The following LSM2 variants were observed in gnomAD, a reference collection of about 807,000 sequenced individuals.
The protein encoded by LSM2 is U6 snRNA-associated Sm-like protein LSm2.
A neutral mutation model predicts 17.0 loss-of-function variants in LSM2; 12 were observed. That is an observed-to-expected ratio of 0.70 (90% CI 0.45 to 1.14). LSM2 has a LOEUF of 1.14. Among genes scored for constraint, LSM2 ranks in the 50% most tolerant of loss-of-function variants. The pLI is 0.00. For synonymous variants in LSM2, 42 were observed against 44.5 expected (o/e 0.94, Z 0.22); for missense variants, 62 against 111.8 (o/e 0.55, Z 2.01).
chr6:31,798,479 G>A lies in LSM2; in HGVS notation c.100C>T (p.Gln34Ter). The A allele has an allele frequency of 1.2e-6, 2 of 1,612,930 alleles. No homozygotes were observed. The highest frequency in any genetic ancestry group is 8.5e-7 in the Non-Finnish European group (1 of 1,179,996). ...CTGGGGCCCGTGCTATATCTCACCT[G>A]ATCCACAGAATGGAGGGTTCCACAG... Reference protein sequence around the residue: ...SICGTLHSVDQYLNIKLTDIS... With the variant: ...SICGTLHSVD The change falls in exon 3 of 5, where the codon CAG (glutamine) becomes TAG (stop). Residue 34 changes from glutamine (Q) to a stop codon, truncating the protein, a stop_gained and splice_region_variant. Coordinates refer to ENST00000375661, the MANE Select transcript of LSM2 (RefSeq NM_021177.5). LOFTEE classifies it high-confidence loss of function.
intron 3 of LSM2, 116 bp downstream of exon 3, chr6:31,798,361 C>G: frequency 2.4e-6 from 3 of 1,273,216 alleles, no homozygotes; most frequent in South Asian, 1.3e-5. Context: ...CGTGAGCCAC[C>G]GTGCCTGGCC....
intron 2 of LSM2, among the ~76,000 whole-genome samples, chr6:31,798,935 C>A (rs1814546911): frequency 6.6e-6 from 1 of 151,860 alleles, no homozygotes; most frequent in South Asian, 2.1e-4. Flanking sequence ...GGGGTTTCAC[C>A]ATGTTGGCCA....
At chr6:31,801,282 C>T (rs1447991029) in intron 2 of LSM2, among the ~76,000 whole-genome samples, 4 of 151,792 alleles carry the variant, frequency 2.6e-5, no homozygotes, top group Non-Finnish European at 5.9e-5. Flanking sequence ...TGAGTCTCTG[C>T]CTAATAACAA....
At chr6:31,804,768 T>TC (rs1814911891) in intron 2 of LSM2, among the ~76,000 whole-genome samples, 4 of 123,272 alleles carry the variant, frequency 3.2e-5, no homozygotes, top group Non-Finnish European at 5.0e-5. Context: ...TTTTTCTTTT[T>TC]TTTTTTTTTT....
At chr6:31,805,261 T>C (rs1169128747) in intron 2 of LSM2, among the ~76,000 whole-genome samples, 1 of 151,164 alleles carries the variant, frequency 6.6e-6, no homozygotes, top group Non-Finnish European at 1.5e-5. Context: ...CTCATCACTA[T>C]GTTGCCCAGA....
chr6:31,806,105 T>C lies in LSM2; in HGVS notation c.41A>G (p.Asp14Gly). ...YSFFKSLVGK[D>G]VVVELKNDLS... is the part of the protein sequence containing the mutation. The stretch of plus-strand genomic sequence containing the variant: ...GTCATTCTTTAGTTCCACGACCACA[T>C]CCTTGCCCACAAGGGACTTGAAAAA... The change falls in exon 2 of 5, where the codon GAT becomes GGT. Residue 14 changes from aspartate to glycine, a missense_variant. Transcript: ENST00000375661. 6.2e-7 allele frequency: 1 copy of C among 1,612,862 alleles called. No individual in the cohort carries two copies. The highest frequency in any genetic ancestry group is 8.5e-7 in the Non-Finnish European group (1 of 1,179,920).
At chr6:31,806,209 A>G in intron 1 of LSM2, 67 bp from the exon 2 acceptor site, 1 of 1,449,082 alleles carries the variant, frequency 6.9e-7, no homozygotes, top group Middle Eastern at 1.8e-4. Flanking sequence ...GTCCTTTGAC[A>G]GTATTACCAA....
At position 31,797,686 on chromosome 6, in the gene LSM2, AG is replaced by A; in HGVS notation, c.*70del. 6.9e-6 allele frequency: 11 copies of A among 1,605,510 alleles called. No individual in the cohort carries two copies. The highest frequency in any genetic ancestry group is 9.4e-6 in the Non-Finnish European group (11 of 1,176,092). On this transcript the variant is annotated 3_prime_UTR_variant, in exon 5 of 5. Coordinates refer to ENST00000375661, the MANE Select transcript of LSM2 (RefSeq NM_021177.5). ...AAAACCCCTTCAAGTATTGGGGGTT[AG>A]GGGTTCTGGGCTGGGACTTGGGGTT...
At chr6:31,801,143 C>T (rs980286067) in intron 2 of LSM2, among the ~76,000 whole-genome samples, 2 of 145,924 alleles carry the variant, frequency 1.4e-5, no homozygotes, top group African/African-American at 5.1e-5. Context: ...TGCATTCCAG[C>T]CTCGGTGACA....
At chr6:31,799,450 A>G (rs1814571775) in intron 2 of LSM2, among the ~76,000 whole-genome samples, 1 of 152,024 alleles carries the variant, frequency 6.6e-6, no homozygotes, top group South Asian at 2.1e-4. Context: ...TCCATCTCCC[A>G]GGTTCACGCC....
chr6:31,804,495 A>G (rs1188254466), intron 2 of LSM2, among the ~76,000 whole-genome samples: 1 of 152,190 alleles, frequency 6.6e-6, no homozygotes, highest in African/African-American at 2.4e-5. Flanking sequence ...GCAATAGTAT[A>G]TATTACTTAG....
At chr6:31,806,696 C>T in intron 1 of LSM2, 59 bp downstream of exon 1, 1 of 1,597,246 alleles carries the variant, frequency 6.3e-7, no homozygotes, top group Non-Finnish European at 8.5e-7. Context: ...AGGCCAGATC[C>T]CCCGCCCCAA....
At chr6:31,800,995 A>T (rs1007163481) in intron 2 of LSM2, among the ~76,000 whole-genome samples, 4 of 151,454 alleles carry the variant, frequency 2.6e-5, no homozygotes, top group East Asian at 3.9e-4. Context: ...GAAAAAAAAA[A>T]TTTAAAAATA....
At chr6:31,803,057 T>C (rs78826271) in intron 2 of LSM2, among the ~76,000 whole-genome samples, 15 of 152,204 alleles carry the variant, frequency 9.9e-5, no homozygotes, top group African/African-American at 3.4e-4. Context: ...CTAAGACTGA[T>C]AGTGATTACC....
chr6:31,798,259 T>C (rs1581673174), intron 3 of LSM2, among the ~76,000 whole-genome samples: 1 of 152,082 alleles, frequency 6.6e-6, no homozygotes, highest in Non-Finnish European at 1.5e-5. Context: ...TTTTTTGTAT[T>C]TTTAGTAGAG....
intron 2 of LSM2, among the ~76,000 whole-genome samples, chr6:31,799,165 G>T (rs1012471015): frequency 1.4e-4 from 21 of 152,128 alleles, no homozygotes; most frequent in Admixed American, 1.2e-3. Flanking sequence ...CAGAGAGGTT[G>T]TTTTAAACTT....
chr6:31,805,380 T>TC (rs1814969794), intron 2 of LSM2, among the ~76,000 whole-genome samples: 1 of 151,028 alleles, frequency 6.6e-6, no homozygotes, highest in Non-Finnish European at 1.5e-5. Context: ...TTTTTTTTTT[T>TC]TTTGAGACAG....
chr6:31,806,929 G>C lies in LSM2; in HGVS notation c.-172C>G, dbSNP rs544473819. The C allele has an allele frequency of 7.1e-6, 6 of 849,782 alleles. No homozygotes were observed. Among genetic ancestry groups the C allele is most frequent in the East Asian group, 2.9e-5 (1 of 34,178 alleles). 52.6% of individuals were successfully genotyped at this position (849,782 alleles called of 1,614,324 possible). On this transcript the variant is annotated 5_prime_UTR_variant, in exon 1 of 5. Coordinates refer to ENST00000375661, the MANE Select transcript of LSM2 (RefSeq NM_021177.5). ...CTGACGGGCAAAGCGCGGCCGACTT[G>C]CGGCTGGGGAGCGCAAGCTGGGTAG...
chr6:31,797,862 G>A lies in LSM2; in HGVS notation c.183C>T (p.Phe61=). ...YPHMLSVKNC[F]IRGSVVRYVQ... is the part of the protein sequence containing the mutation. ...CGTATCGGACCACTGAGCCCCGAAT[G>A]AAGCAGTTCTTCACTGATAACTAGA... The change falls in exon 5 of 5, where the codon TTC becomes TTT. Residue 61 remains phenylalanine (F), a synonymous_variant. Coordinates refer to ENST00000375661, the MANE Select transcript of LSM2 (RefSeq NM_021177.5). 1.2e-6 allele frequency: 2 copies of A among 1,612,992 alleles called. No individual in the cohort carries two copies. Among genetic ancestry groups the A allele is most frequent in the Non-Finnish European group, 1.7e-6 (2 of 1,180,018 alleles).
Sources: allele counts gnomAD v4.1 joint callset (sites outside exome capture counted in the v4.1 genomes callset), GRCh38; gene constraint gnomAD v4.1.1; transcripts MANE v1.5; gene names NCBI Gene and HGNC (gene_info 2026-07-23, HGNC 2026-07-21).